Variants in CGNL1 observed in about 807,000 individuals in gnomAD.
CGNL1 encodes cingulin-like protein 1.
A neutral mutation model predicts 141.2 loss-of-function variants in CGNL1; 132 were observed. The observed-to-expected ratio is 0.93, with a 90% confidence interval of 0.81 to 1.08. The LOEUF (loss-of-function observed/expected upper bound fraction) is 1.08. Ranked by LOEUF, CGNL1 falls within the 50% of genes least tolerant of loss-of-function variation. The probability of loss-of-function intolerance (pLI) is 0.00; values close to 1 mark genes in which losing one functional copy is unlikely to be tolerated. For synonymous variants in CGNL1, 690 were observed against 622.1 expected, an observed-to-expected ratio of 1.11 and a Z score of -1.63; for missense variants, 1,870 against 1,588.6, an observed-to-expected ratio of 1.18 and a Z score of -3.01.
intron 8 of CGNL1, among the ~76,000 whole-genome samples, chr15:57,490,591 G>T (rs949629989): frequency 1.3e-5 from 2 of 152,144 alleles, no homozygotes; most frequent in African/African-American, 2.4e-5. Flanking sequence ...ATACATAAAT[G>T]GGGAATAATA....
chr15:57,416,859 T>C (rs1202954403), intron 1 of CGNL1, among the ~76,000 whole-genome samples: 4 of 152,216 alleles, frequency 2.6e-5, no homozygotes, highest in Non-Finnish European at 5.9e-5. Context: ...GTGTCATGAA[T>C]GGTGGTTAGG....
intron 8 of CGNL1, among the ~76,000 whole-genome samples, chr15:57,480,168 G>A (rs1345737092): frequency 6.8e-6 from 1 of 147,574 alleles, no homozygotes; most frequent in Non-Finnish European, 1.5e-5. Flanking sequence ...CCTGAGATGG[G>A]TAATTTTTAT....
intron 1 of CGNL1, among the ~76,000 whole-genome samples, chr15:57,388,252 G>C (rs1245537465): frequency 1.2e-4 from 19 of 152,158 alleles, no homozygotes; most frequent in Admixed American, 1.0e-3. Context: ...AGAAGAGGAA[G>C]CAGGCTGCTT....
chr15:57,467,550 C>G (rs2063524846), intron 8 of CGNL1, among the ~76,000 whole-genome samples: 1 of 152,030 alleles, frequency 6.6e-6, no homozygotes, highest in Non-Finnish European at 1.5e-5. Flanking sequence ...CGGATCCCAA[C>G]TGAAACAAAC....
intron 1 of CGNL1, among the ~76,000 whole-genome samples, chr15:57,408,320 T>C (rs1008233607): frequency 6.6e-6 from 1 of 152,070 alleles, no homozygotes; most frequent in African/African-American, 2.4e-5. Context: ...CACACATTCA[T>C]ACACAGAAGT....
intron 11 of CGNL1, among the ~76,000 whole-genome samples, chr15:57,524,373 C>T (rs1013836707): frequency 2.0e-5 from 3 of 152,182 alleles, no homozygotes; most frequent in Admixed American, 6.5e-5. Context: ...GTGTGCCTGG[C>T]TCCAAAGGAC....
intron 8 of CGNL1, among the ~76,000 whole-genome samples, chr15:57,510,887 C>T (rs2030236933): frequency 6.6e-6 from 1 of 152,148 alleles, no homozygotes; most frequent in South Asian, 2.1e-4. Context: ...TGGCGCTATG[C>T]TCTGTTTGTA....
At chr15:57,384,477 C>T (rs981210620) in intron 1 of CGNL1, among the ~76,000 whole-genome samples, 3 of 152,130 alleles carry the variant, frequency 2.0e-5, no homozygotes, top group African/African-American at 4.8e-5. Flanking sequence ...CCTTGCTGTC[C>T]GGCTCTGAGC....
At chr15:57,407,353 A>T (rs1382976487) in intron 1 of CGNL1, 1 of 152,152 alleles carries the variant, frequency 6.6e-6, no homozygotes, top group Non-Finnish European at 1.5e-5. Flanking sequence ...TGTTTAAATA[A>T]GTAATTGCGA....
At chr15:57,384,568 C>A (rs76930725) in intron 1 of CGNL1, among the ~76,000 whole-genome samples, 1 of 152,158 alleles carries the variant, frequency 6.6e-6, no homozygotes, top group Non-Finnish European at 1.5e-5. Context: ...AACTCACCCA[C>A]GTATTTCTTC....
intron 9 of CGNL1, among the ~76,000 whole-genome samples, chr15:57,517,380 T>C (rs1161641071): frequency 6.6e-6 from 1 of 152,176 alleles, no homozygotes; most frequent in African/African-American, 2.4e-5. Flanking sequence ...GTGACACTGA[T>C]TTTAACAAGC....
chr15:57,531,465 C>T (rs2031947299), intron 13 of CGNL1, among the ~76,000 whole-genome samples: 3 of 152,134 alleles, frequency 2.0e-5, no homozygotes, highest in African/African-American at 7.2e-5. Context: ...TATGTGTTTT[C>T]TACATAAACA....
At chr15:57,405,748 CTT>C (rs55768039) in intron 1 of CGNL1, among the ~76,000 whole-genome samples, 1,305 of 6,014 alleles carry the variant, frequency 0.22, 11 homozygotes, top group South Asian at 0.4. Context: ...CTTTCTTTTC[CTT>C]TTTCTTTTTC....
At chr15:57,470,700 A>G (rs1291799542) in intron 8 of CGNL1, among the ~76,000 whole-genome samples, 1 of 152,226 alleles carries the variant, frequency 6.6e-6, no homozygotes, top group African/African-American at 2.4e-5. Context: ...GTCACCAAGA[A>G]TATAAAGGCA....
At chr15:57,521,497 A>G (rs1349340498) in intron 10 of CGNL1, among the ~76,000 whole-genome samples, 4 of 152,164 alleles carry the variant, frequency 2.6e-5, no homozygotes, top group South Asian at 2.1e-4. Context: ...CATATGCCTA[A>G]TAGTGAACAT....
intron 8 of CGNL1, among the ~76,000 whole-genome samples, chr15:57,462,647 G>T (rs1409586725): frequency 1.3e-5 from 2 of 152,164 alleles, no homozygotes; most frequent in African/African-American, 4.8e-5. Flanking sequence ...TCTTGATATT[G>T]TTTATTCTGT....
chr15:57,388,181 G>A (rs2062504140), intron 1 of CGNL1, among the ~76,000 whole-genome samples: 1 of 152,224 alleles, frequency 6.6e-6, no homozygotes, highest in South Asian at 2.1e-4. Flanking sequence ...GGGCCTTAGG[G>A]TCTGAGAGCT....
rs533222261 is a variant in CGNL1, at chr15:57,499,405, T to C, written c.2404-17375T>C. On this transcript the variant is annotated intron_variant, in intron 8 of 18. Coordinates refer to ENST00000281282, the MANE Select transcript of CGNL1 (RefSeq NM_032866.5). Reference sequence around the variant, plus strand: ...TGCTTGTGCCACCACACCTGGCTAATTTTTGTATTTTTAGTAGAGGCGGGG... The same window carrying C: ...TGCTTGTGCCACCACACCTGGCTAACTTTTGTATTTTTAGTAGAGGCGGGG... Among the ~76,000 whole-genome samples the C allele has an allele frequency of 2.6e-5, 4 of 152,066 alleles. No homozygotes were observed. In the East Asian group the frequency reaches 5.8e-4, roughly 22 times the overall value.
At chr15:57,407,963 G>T (rs1238465330) in intron 1 of CGNL1, among the ~76,000 whole-genome samples, 3 of 151,868 alleles carry the variant, frequency 2.0e-5, no homozygotes, top group African/African-American at 7.3e-5. Flanking sequence ...TGGACAGGGT[G>T]GTCTTGAACT....
Sources: gnomAD v4.1 joint callset for allele counts (sites outside exome capture counted in the v4.1 genomes callset) on GRCh38, gnomAD v4.1.1 for gene constraint, MANE v1.5 for transcripts, NCBI Gene and HGNC (gene_info 2026-07-23, HGNC 2026-07-21) for gene names.